The following SI variants were observed in gnomAD, a reference collection of about 807,000 sequenced individuals.
SI encodes the protein sucrase-isomaltase, intestinal.
A neutral mutation model predicts 253.3 loss-of-function variants in SI; 235 were observed. The observed-to-expected ratio is 0.93, with a 90% CI of 0.83 to 1.03. The LOEUF is 1.03. SI is among the 50% of genes least tolerant of loss of function. The pLI is 0.00. For synonymous variants in SI, 819 were observed against 712.0 expected (o/e 1.15, Z -2.39); for missense variants, 2,442 against 2,211.1 (o/e 1.10, Z -2.09).
chr3:165,074,699 CAT>C, intron 2 of SI, 32 bp from the exon 3 acceptor site: 2 of 1,555,334 alleles, frequency 1.3e-6, no homozygotes, highest in East Asian at 2.3e-5. Flanking sequence ...TAAAATAAAA[CAT>C]GACATTAAAT....
intron 12 of SI, 94 bp from the exon 13 acceptor site, chr3:165,055,401 AT>A: frequency 5.5e-6 from 4 of 731,506 alleles, no homozygotes; most frequent in Non-Finnish European, 6.9e-6. Flanking sequence ...GTAAAAAAAA[AT>A]AAAGTTATTC....
chr3:165,021,153 G>A (rs1395660311), intron 27 of SI, 76 bp downstream of exon 27: 35 of 1,275,166 alleles, frequency 2.7e-5, no homozygotes, highest in Middle Eastern at 1.9e-4. Context: ...GACAGTGAAG[G>A]CTGTTAATCA....
chr3:165,000,973 T>A (rs951510163), intron 37 of SI, among the ~76,000 whole-genome samples: 39 of 151,296 alleles, frequency 2.6e-4, no homozygotes, highest in African/African-American at 9.4e-4. Flanking sequence ...ATAAAAAAGT[T>A]TTTTATAGAA....
At chr3:165,080,097 T>C (rs1356250758), upstream of SI, among the ~76,000 whole-genome samples, 4 of 152,034 alleles carry the variant, frequency 2.6e-5, no homozygotes, top group Admixed American at 1.3e-4. Context: ...AACTCTGGCA[T>C]ATCCATACAA....
intron 45 of SI, among the ~76,000 whole-genome samples, chr3:164,984,536 G>A (rs6792386): frequency 0.048 from 7,345 of 152,066 alleles, 605 homozygotes; most frequent in African/African-American, 0.17. Flanking sequence ...CAGCTATTAC[G>A]AAGATATGGG....
In SI at chr3:164,991,347, A is replaced by G; in HGVS notation, c.5108+6T>C. On this transcript the variant is annotated splice_donor_region_variant and intron_variant, in intron 44 of 47. Transcript: ENST00000264382. ...TTAACCTGAGCTTTGTAAACAGTTCACTTACCTGTAAAATGTGTTTTGAGC... is the reference window on the plus strand; with the variant it reads ...TTAACCTGAGCTTTGTAAACAGTTCGCTTACCTGTAAAATGTGTTTTGAGC... 1 of 1,613,734 alleles carries G rather than the reference A, an allele frequency of 6.2e-7. No individual in the cohort carries two copies.
intron 37 of SI, among the ~76,000 whole-genome samples, chr3:165,000,756 A>G (rs1388516510): frequency 6.6e-6 from 1 of 151,356 alleles, no homozygotes; most frequent in African/African-American, 2.4e-5. Context: ...CACTGTTTCA[A>G]TTTTACAAAT....
In SI at chr3:165,049,128, G is replaced by C. The variant is rs1560007666; in HGVS notation, c.1714C>G (p.Gln572Glu). Residue 572 changes from glutamine (Q) to glutamate (E), a missense_variant and splice_region_variant, in exon 15 of 48, where the codon CAA (glutamine) becomes GAA (glutamate). Transcript: ENST00000264382. ...GTCTTTGAATGAAATTGCACTTACT[G>C]CTCTGTGGCTATAGCCATGCTGTAT... ...YGYSMAIATE[Q>E]AVQKVFPNKR... The C allele has an allele frequency of 6.6e-7, 1 of 1,506,230 alleles. No homozygotes were observed. 93.3% of individuals were successfully genotyped at this position (1,506,230 alleles called of 1,614,324 possible).
chr3:165,041,200 T>A, intron 17 of SI, 106 bp from the exon 18 acceptor site: 1 of 966,202 alleles, frequency 1.0e-6, no homozygotes, highest in Non-Finnish European at 1.6e-6. Flanking sequence ...AAATTTCAGC[T>A]TGTTTATGAG....
At chr3:165,088,363 G>T in the SI span, among the ~76,000 whole-genome samples, 1 of 147,832 alleles carries the variant, frequency 6.8e-6, no homozygotes, top group African/African-American at 2.5e-5. Flanking sequence ...TAAATAAATA[G>T]GCCAGATGTG....
chr3:165,084,080 A>C, the SI span, among the ~76,000 whole-genome samples: 1 of 152,028 alleles, frequency 6.6e-6, no homozygotes, highest in South Asian at 2.1e-4. Context: ...GGCTTTTGGG[A>C]GGTAATTAGG....
chr3:165,072,554 T>C (rs1714654146), intron 3 of SI, among the ~76,000 whole-genome samples: 1 of 152,104 alleles, frequency 6.6e-6, no homozygotes, highest in African/African-American at 2.4e-5. Context: ...TTTTCATTCC[T>C]TTATGATTTA....
Position 165,067,331 on chromosome 3 carries a change from T to C in SI, c.635+9A>G. 1 of 1,586,876 alleles carries C rather than the reference T, an allele frequency of 6.3e-7. No individual in the cohort carries two copies. The highest frequency in any genetic ancestry group is 8.6e-7 in the Non-Finnish European group (1 of 1,157,416). On this transcript the variant is annotated intron_variant, in intron 6 of 47. Transcript: ENST00000264382. Reference sequence around the variant, plus strand: ...ATAAACTTATATAATTGTAAAATAATACACTTACAAAGTTTTACCGTTGCT... The same window carrying C: ...ATAAACTTATATAATTGTAAAATAACACACTTACAAAGTTTTACCGTTGCT...
At chr3:165,011,925 T>C (rs1718789605) in intron 34 of SI, among the ~76,000 whole-genome samples, 1 of 152,040 alleles carries the variant, frequency 6.6e-6, no homozygotes, top group African/African-American at 2.4e-5. Context: ...ATATTTATAA[T>C]CATCGTATCT....
At chr3:165,034,670 GATA>G (rs1275371804) in intron 22 of SI, among the ~76,000 whole-genome samples, 1 of 151,838 alleles carries the variant, frequency 6.6e-6, no homozygotes, top group East Asian at 1.9e-4. Context: ...AGCAATACAG[GATA>G]ATGTGTTTGT....
In SI at chr3:164,994,304, A is replaced by T. The variant is rs144187804; in HGVS notation, c.4794T>A (p.His1598Gln). 1 of 1,611,334 alleles carries T rather than the reference A, an allele frequency of 6.2e-7. No homozygotes were observed. Among genetic ancestry groups the T allele is most frequent in the Non-Finnish European group, 8.5e-7 (1 of 1,178,082 alleles). Residue 1598 changes from histidine to glutamine, a missense_variant, in exon 41 of 48, where the codon CAT (histidine) becomes CAA (glutamine). Physicochemically the swap from His to Gln is conservative, Grantham distance 24 (BLOSUM62 0). Coordinates refer to ENST00000264382, the MANE Select transcript of SI (RefSeq NM_001041.4). ...TLLPYFYTQMHEIHANGGTVI... is the reference protein window; with the variant it reads ...TLLPYFYTQMQEIHANGGTVI... ...CAGTGCCACCATTAGCATGAATTTC[A>T]TGCATTTGTGTGTAAAAATAGGGCA... is the stretch of plus-strand genomic sequence containing the variant.
upstream of SI, among the ~76,000 whole-genome samples, chr3:165,083,490 A>G (rs1715406855): frequency 6.6e-6 from 1 of 152,008 alleles, no homozygotes; most frequent in Non-Finnish European, 1.5e-5. Flanking sequence ...AACTTTGTGG[A>G]ACATAGCTAC....
intron 46 of SI, among the ~76,000 whole-genome samples, chr3:164,982,797 A>G (rs1717254535): frequency 6.6e-6 from 1 of 152,030 alleles, no homozygotes; most frequent in Admixed American, 6.6e-5. Flanking sequence ...AGCTGGGACT[A>G]CAGTTGCATG....
At chr3:165,027,059 C>T (rs1711959233) in intron 25 of SI, among the ~76,000 whole-genome samples, 1 of 150,964 alleles carries the variant, frequency 6.6e-6, no homozygotes, top group Admixed American at 6.6e-5. Context: ...AAATAAAATT[C>T]ATAGATCATT....
Sources: allele counts gnomAD v4.1 joint callset (sites outside exome capture counted in the v4.1 genomes callset), GRCh38; gene constraint gnomAD v4.1.1; transcripts MANE v1.5; gene names NCBI Gene and HGNC (gene_info 2026-07-23, HGNC 2026-07-21).